The following PPFIA2 variants were observed in gnomAD, a reference collection of about 807,000 sequenced individuals.
The protein encoded by PPFIA2 is PPFI scaffold protein A2.
Under a neutral mutation model 175.5 loss-of-function variants are expected in PPFIA2, and 46 were observed. The ratio of observed to expected loss-of-function variants is 0.26; its 90% CI spans 0.21 to 0.34. The LOEUF is 0.34. Among genes scored for constraint, PPFIA2 ranks in the 10% least tolerant of loss-of-function variants. The probability of loss-of-function intolerance (pLI) is 1.00; values close to 1 mark genes in which losing one functional copy is unlikely to be tolerated. For synonymous variants in PPFIA2, 568 were observed against 511.4 expected (o/e 1.11, Z -1.49); for missense variants, 1,179 against 1,506.1 (o/e 0.78, Z 3.60).
chr12:81,661,261 A>G (rs12814940), intron 4 of PPFIA2, among the ~76,000 whole-genome samples: 1 of 152,228 alleles, frequency 6.6e-6, no homozygotes, highest in East Asian at 1.9e-4. Flanking sequence ...GGCAAACTGG[A>G]TAAAGAGTCA....
At chr12:81,452,111 C>G (rs1474554842) in intron 5 of PPFIA2, among the ~76,000 whole-genome samples, 1 of 152,102 alleles carries the variant, frequency 6.6e-6, no homozygotes, top group Non-Finnish European at 1.5e-5. Context: ...CACAGACACA[C>G]ACACACACAC....
intron 4 of PPFIA2, among the ~76,000 whole-genome samples, chr12:81,600,247 A>G (rs1169277080): frequency 6.6e-6 from 1 of 151,936 alleles, no homozygotes; most frequent in African/African-American, 2.4e-5. Context: ...ACAACAGTAT[A>G]GACTCATGTA....
intron 4 of PPFIA2, among the ~76,000 whole-genome samples, chr12:81,591,774 T>A (rs529692445): frequency 6.6e-6 from 1 of 152,126 alleles, no homozygotes; most frequent in East Asian, 1.9e-4. Flanking sequence ...ACAGGATGTA[T>A]GGAAATGCCT....
intron 4 of PPFIA2, among the ~76,000 whole-genome samples, chr12:81,500,003 A>C (rs1320684628): frequency 1.3e-5 from 2 of 152,066 alleles, no homozygotes; most frequent in East Asian, 3.9e-4. Context: ...CATGACCCCC[A>C]TGCACTGACA....
chr12:81,360,168 C>G (rs1395630720), intron 15 of PPFIA2, among the ~76,000 whole-genome samples: 1 of 151,848 alleles, frequency 6.6e-6, no homozygotes, highest in Non-Finnish European at 1.5e-5. Flanking sequence ...TCTCTCTCCT[C>G]TTTTTTCCAG....
At chr12:81,512,248 C>G in intron 4 of PPFIA2, 1 of 1,204,612 alleles carries the variant, frequency 8.3e-7, no homozygotes. Flanking sequence ...GCCTTCATTA[C>G]AAAATCTAAA....
intron 22 of PPFIA2, among the ~76,000 whole-genome samples, chr12:81,315,037 T>C (rs565962199): frequency 4.6e-4 from 70 of 151,748 alleles, no homozygotes; most frequent in Admixed American, 2.1e-3. Flanking sequence ...ATAAGACAGA[T>C]GGGGCAAGTG....
rs773593850 is a variant in PPFIA2, at chr12:81,368,898, G to C, written c.1351-42C>G. The C allele has an allele frequency of 2.7e-5, 42 of 1,574,702 alleles. No homozygotes were observed. In the South Asian group the frequency reaches 4.6e-4, roughly 17 times the overall value. ...TGACATAAAAATCCATTCAAAAACTGTTTGAGATTATTTTTATAGTGTTGC... is the reference window on the plus strand; with the variant it reads ...TGACATAAAAATCCATTCAAAAACTCTTTGAGATTATTTTTATAGTGTTGC... On this transcript the variant is annotated intron_variant, in intron 12 of 32. Transcript: ENST00000549396.
chr12:81,667,408 A>G (rs932236519), intron 4 of PPFIA2, among the ~76,000 whole-genome samples: 6 of 152,146 alleles, frequency 3.9e-5, no homozygotes, highest in African/African-American at 1.2e-4. Context: ...CTTGAAAACC[A>G]TTAGAATTTC....
At chr12:81,399,853 G>A (rs1397408383) in intron 8 of PPFIA2, among the ~76,000 whole-genome samples, 1 of 152,130 alleles carries the variant, frequency 6.6e-6, no homozygotes, top group African/African-American at 2.4e-5. Flanking sequence ...AATATTCTGT[G>A]AGTGCAATCC....
chr12:81,737,699 A>T (rs7958566), intron 3 of PPFIA2, among the ~76,000 whole-genome samples: 25,906 of 152,084 alleles, frequency 0.17, 2,677 homozygotes, highest in Middle Eastern at 0.29. Flanking sequence ...AATGGAAAAG[A>T]ATGTTTAAAG....
chr12:81,648,667 C>T (rs916818831), intron 4 of PPFIA2, among the ~76,000 whole-genome samples: 4 of 151,218 alleles, frequency 2.6e-5, no homozygotes, highest in Non-Finnish European at 1.5e-5. Flanking sequence ...CTAAAATTTA[C>T]TCAGAACGTG....
intron 3 of PPFIA2, among the ~76,000 whole-genome samples, chr12:81,691,309 A>G (rs1175997063): frequency 2.0e-5 from 3 of 152,090 alleles, no homozygotes; most frequent in African/African-American, 7.2e-5. Flanking sequence ...TTTTCTTTCC[A>G]CATAAATCCT....
chr12:81,276,979 C>G (rs1402313098), intron 28 of PPFIA2, among the ~76,000 whole-genome samples: 1 of 152,130 alleles, frequency 6.6e-6, no homozygotes, highest in African/African-American at 2.4e-5. Context: ...CCATGTTTCT[C>G]TGAATCATAC....
intron 3 of PPFIA2, among the ~76,000 whole-genome samples, chr12:81,677,605 C>A (rs2153571231): frequency 6.6e-6 from 1 of 151,774 alleles, no homozygotes; most frequent in East Asian, 1.9e-4. Context: ...TGACATTTAT[C>A]TTTTTGTGCC....
At chr12:81,700,485 A>G (rs2076363544) in intron 3 of PPFIA2, among the ~76,000 whole-genome samples, 1 of 152,108 alleles carries the variant, frequency 6.6e-6, no homozygotes, top group Admixed American at 6.6e-5. Flanking sequence ...TATAAGAATA[A>G]AATATGGAAC....
At chr12:81,366,088 CT>C (rs1455198586) in intron 14 of PPFIA2, among the ~76,000 whole-genome samples, 3 of 145,612 alleles carry the variant, frequency 2.1e-5, no homozygotes. Context: ...TTTCTTCCCC[CT>C]CTCCCTTCTT....
chr12:81,438,294 C>G (rs937090609), intron 7 of PPFIA2, among the ~76,000 whole-genome samples: 2 of 152,042 alleles, frequency 1.3e-5, no homozygotes, highest in African/African-American at 4.8e-5. Context: ...ATGGTGAAAC[C>G]CCGTCTCTAC....
At chr12:81,368,683 A>C in intron 13 of PPFIA2, 42 bp downstream of exon 13, 2 of 1,569,134 alleles carry the variant, frequency 1.3e-6, no homozygotes, top group Non-Finnish European at 1.7e-6. Flanking sequence ...AAACATGAGC[A>C]TTGCAAAATA....
Sources: allele counts gnomAD v4.1 joint callset (sites outside exome capture counted in the v4.1 genomes callset), GRCh38; gene constraint gnomAD v4.1.1; transcripts MANE v1.5; gene names NCBI Gene and HGNC (gene_info 2026-07-23, HGNC 2026-07-21).